SATB1: variants seen among roughly 807,000 people sequenced by gnomAD.
The protein encoded by SATB1 is DNA-binding protein SATB1.
A neutral mutation model predicts 86.9 loss-of-function variants in SATB1; 11 were observed. That is an observed-to-expected ratio of 0.13 (90% CI 0.08 to 0.21). SATB1 has a LOEUF of 0.21. Ranked by LOEUF, SATB1 falls within the 10% of genes least tolerant of loss-of-function variation. SATB1 has a pLI of 1.00. For synonymous variants in SATB1, 357 were observed against 357.2 expected (o/e 1.00, Z 0.01); for missense variants, 551 against 937.6 (o/e 0.59, Z 5.39).
In SATB1 at chr3:18,347,456, AG is replaced by A. The variant is rs1694114158; in HGVS notation, c.*1713del. 1 of 151,948 alleles carries A rather than the reference AG, an allele frequency of 6.6e-6. No homozygotes were observed. Among genetic ancestry groups the A allele is most frequent in the Non-Finnish European group, 1.5e-5 (1 of 68,010 alleles). 9.4% of individuals were successfully genotyped at this position (151,948 alleles called of 1,614,324 possible). A position where few individuals can be genotyped will look rare whatever the true frequency, so the allele number is the denominator to read the frequency against. ...CTTATAGTTATGAGATACACTTACG[AG>A]CTCAGTTATTAACTTATTCCACTTA... On this transcript the variant is annotated 3_prime_UTR_variant, in exon 11 of 11. Coordinates refer to ENST00000338745, the MANE Select transcript of SATB1 (RefSeq NM_002971.6).
rs150879927 is a variant in SATB1 at position 18,420,851 on chromosome 3, C to T, written c.117G>A (p.Pro39=). ...TACTCCCAAGCCTTCCTCTTCCTAG[C>T]GGGCTCCCGTTCTGCTCCAGGCGGG... ...KIARLEQNGS[P]LGRGRLGSTG... Residue 39 remains proline, a synonymous_variant, in exon 2 of 11, where the codon CCG becomes CCA. Coordinates refer to ENST00000338745, the MANE Select transcript of SATB1 (RefSeq NM_002971.6). 1.5e-5 allele frequency: 24 copies of T among 1,614,078 alleles called. No homozygotes were observed. The highest frequency in any genetic ancestry group is 9.9e-5 in the South Asian group (9 of 91,092).
At chr3:18,433,781 G>A (rs1698967614) in intron 2 of SATB1, among the ~76,000 whole-genome samples, 2 of 151,998 alleles carry the variant, frequency 1.3e-5, no homozygotes, top group Non-Finnish European at 2.9e-5. Flanking sequence ...TATCTTGTAG[G>A]TGCCTTTTTC....
intron 2 of SATB1, chr3:18,417,304 T>C (rs1362786219): frequency 1.7e-6 from 1 of 581,792 alleles, no homozygotes; most frequent in Non-Finnish European, 3.0e-6. Context: ...AACTTGGTCC[T>C]AAGGTAAGCT....
chr3:18,394,890 A>T lies in SATB1; in HGVS notation c.778T>A (p.Ser260Thr). The T allele has an allele frequency of 6.2e-7, 1 of 1,605,774 alleles. No homozygotes were observed. Among genetic ancestry groups the T allele is most frequent in the South Asian group, 1.1e-5 (1 of 90,570 alleles). ...TTGACATGATTGGCGCCTTGCTGGG[A>T]TAGCTCAGAAAGACTATCCATTTCA... ...MVEMDSLSEL[S>T]QQGANHVNFG... The change falls in exon 7 of 11, where the codon TCC becomes ACC. Residue 260 changes from serine (S) to threonine (T), a missense_variant. Around this residue, in one of 8 missense-constraint regions of SATB1, gnomAD observed 119 missense variants for 171.1 expected, o/e 0.70. Coordinates refer to ENST00000338745, the MANE Select transcript of SATB1 (RefSeq NM_002971.6). The surrounding 1 kb of genome is among the most constrained non-coding windows in gnomAD (Gnocchi z 5.9).
At chr3:18,395,188 T>C (rs1220810975) in intron 6 of SATB1, among the ~76,000 whole-genome samples, 1 of 152,176 alleles carries the variant, frequency 6.6e-6, no homozygotes, top group Non-Finnish European at 1.5e-5. Flanking sequence ...TTACCCAAAC[T>C]CTTTCCAACT....
Position 18,386,004 on chromosome 3 carries a change from C to A in SATB1, c.1419+395G>T, listed in dbSNP as rs1226686115. On this transcript the variant is annotated intron_variant, in intron 8 of 10. Transcript: ENST00000338745. This position sits in a 1 kb window ranked among gnomAD's most constrained non-coding sequence, Gnocchi z 4.5. ...CAGTTCGTACTGGAAAGTATAAATA[C>A]AAATGAAATTATTTATTTTTATTTA... Among the ~76,000 whole-genome samples, 1 of 152,096 alleles carries A rather than the reference C, an allele frequency of 6.6e-6. No homozygotes were observed. Among genetic ancestry groups the A allele is most frequent in the Non-Finnish European group, 1.5e-5 (1 of 68,012 alleles).
upstream of SATB1, among the ~76,000 whole-genome samples, chr3:18,428,466 G>A (rs1285150610): frequency 6.6e-6 from 1 of 152,168 alleles, no homozygotes; most frequent in Non-Finnish European, 1.5e-5. Flanking sequence ...GAGAGGACAA[G>A]TATTCAAATA....
In SATB1 at chr3:18,416,855, C is replaced by T. The variant is rs373275305; in HGVS notation, c.388+47G>A. ...TTCAGTGCTTTCTCTGCAAGGTAAA[C>T]AAAGAATGCTAAGCAATTTTTCCAA... On this transcript the variant is annotated intron_variant, in intron 3 of 10. Coordinates refer to ENST00000338745, the MANE Select transcript of SATB1 (RefSeq NM_002971.6). 3.3e-6 allele frequency: 5 copies of T among 1,519,320 alleles called. No homozygotes were observed. The African/African-American group carries it at 5.6e-5, about 17-fold the overall frequency. The allele number at this position is 1,519,320 out of a possible 1,614,324, so 94.1% of individuals were successfully genotyped here. A position where few individuals can be genotyped will look rare whatever the true frequency, so the allele number is the denominator to read the frequency against.
intron 5 of SATB1, among the ~76,000 whole-genome samples, chr3:18,404,261 T>C (rs1697410074): frequency 6.6e-6 from 1 of 152,056 alleles, no homozygotes; most frequent in South Asian, 2.1e-4. Flanking sequence ...TGTCAGCTTC[T>C]GTTTCCCAAA....
intron 8 of SATB1, among the ~76,000 whole-genome samples, chr3:18,384,342 C>T (rs545072584): frequency 6.6e-6 from 1 of 152,108 alleles, no homozygotes; most frequent in African/African-American, 2.4e-5. Flanking sequence ...CAAGAAAAAG[C>T]TTGATGAGTA....
At position 18,384,003 on chromosome 3, in the gene SATB1, A is replaced by C. The variant is rs111389354; in HGVS notation, c.1419+2396T>G. 3.0e-3 allele frequency among the ~76,000 whole-genome samples: 457 copies of C among 152,306 alleles called. 3 individuals carry two copies. The highest frequency in any genetic ancestry group is 0.01 in the African/African-American group (431 of 41,574). ...GTTAGTCATTTTGGAGTTTGGTTAG[A>C]TGGCCAGTAATACTGCAGTAATAGA... is the stretch of plus-strand genomic sequence containing the variant. On this transcript the variant is annotated intron_variant, in intron 8 of 10. Transcript: ENST00000338745.
At chr3:18,405,916 T>C (rs1370550880) in intron 5 of SATB1, among the ~76,000 whole-genome samples, 1 of 151,948 alleles carries the variant, frequency 6.6e-6, no homozygotes, top group Non-Finnish European at 1.5e-5. Flanking sequence ...TAAAGAAAAA[T>C]CAAATTAATC....
intron 9 of SATB1, among the ~76,000 whole-genome samples, chr3:18,362,333 CCT>C (rs1399526621): frequency 2.6e-5 from 4 of 152,160 alleles, no homozygotes; most frequent in African/African-American, 9.6e-5. Context: ...TTGGAAACAC[CCT>C]GAGGCTCACA....
At chr3:18,376,333 TAA>T (rs527867869) in intron 9 of SATB1, among the ~76,000 whole-genome samples, 40 of 152,172 alleles carry the variant, frequency 2.6e-4, no homozygotes, top group Admixed American at 6.6e-4. Flanking sequence ...TGGTTATTAA[TAA>T]GTTATAATAT....
chr3:18,349,703 A>G lies in SATB1; in HGVS notation c.1780-21T>C. ...TGTTGCTGCAAAGAAACAAGGAGAC[A>G]ATCAGAGCTCTGCTATCGTGGAGTT... On this transcript the variant is annotated intron_variant, in intron 10 of 10. Transcript: ENST00000338745. This position sits in a 1 kb window ranked among gnomAD's most constrained non-coding sequence, Gnocchi z 5.5. 1 of 1,574,844 alleles carries G rather than the reference A, an allele frequency of 6.3e-7. No homozygotes were observed. The highest frequency in any genetic ancestry group is 8.6e-7 in the Non-Finnish European group (1 of 1,161,356).
chr3:18,432,910 C>T (rs577737824), intron 2 of SATB1, among the ~76,000 whole-genome samples: 1 of 152,116 alleles, frequency 6.6e-6, no homozygotes, highest in East Asian at 1.9e-4. Context: ...CAATGAGCTA[C>T]ATCACATTGA....
At chr3:18,365,540 C>T (rs1376830013) in intron 9 of SATB1, among the ~76,000 whole-genome samples, 1 of 152,134 alleles carries the variant, frequency 6.6e-6, no homozygotes. Flanking sequence ...CACTGCCTCT[C>T]AAAGAGCACA....
chr3:18,406,263 T>C (rs192458732), intron 5 of SATB1, among the ~76,000 whole-genome samples: 12 of 152,144 alleles, frequency 7.9e-5, no homozygotes, highest in African/African-American at 2.9e-4. Flanking sequence ...TGGAGTCTCT[T>C]ATGCCAAATG....
chr3:18,417,886 GCT>G (rs1698199850), intron 2 of SATB1, among the ~76,000 whole-genome samples: 1 of 152,084 alleles, frequency 6.6e-6, no homozygotes, highest in Non-Finnish European at 1.5e-5. Flanking sequence ...GATTTGGTGT[GCT>G]CTCTCTTTAT....
Sources: gnomAD v4.1 joint callset for allele counts (sites outside exome capture counted in the v4.1 genomes callset) on GRCh38, gnomAD v4.1.1 for gene constraint, gnomAD v4.1.1 regional missense constraint, Gnocchi (gnomAD v3.1) non-coding constraint, MANE v1.5 for transcripts, NCBI Gene and HGNC (gene_info 2026-07-23, HGNC 2026-07-21) for gene names.